Variants in ICA1L observed in about 807,000 individuals in gnomAD.
ICA1L encodes islet cell autoantigen 1-like protein.
In ICA1L, 50 loss-of-function variants were observed where a neutral mutation model predicts 61.3. The observed-to-expected ratio is 0.82, with a 90% CI of 0.65 to 1.03. The LOEUF is 1.03. Among genes scored for constraint, ICA1L ranks in the 50% least tolerant of loss-of-function variants. ICA1L has a pLI of 0.00. For missense variants in ICA1L, 508 were observed against 556.7 expected, an observed-to-expected ratio of 0.91 and a Z score of 0.88; for synonymous variants, 161 against 191.3, an observed-to-expected ratio of 0.84 and a Z score of 1.31.
At chr2:202,847,410 A>C (rs1324221862) in intron 1 of ICA1L, among the ~76,000 whole-genome samples, 1 of 152,182 alleles carries the variant, frequency 6.6e-6, no homozygotes, top group East Asian at 1.9e-4. Context: ...TTAAAACTGT[A>C]GTAATAAAAA....
chr2:202,776,244 T>C lies in ICA1L; in HGVS notation c.*3289A>G, dbSNP rs1267107357. 1 of 151,842 alleles carries C rather than the reference T, an allele frequency of 6.6e-6. No homozygotes were observed. Among genetic ancestry groups the C allele is most frequent in the Non-Finnish European group, 1.5e-5 (1 of 68,038 alleles). The allele number at this position is 151,842 out of a possible 1,614,324, so 9.4% of individuals were successfully genotyped here. A position where few individuals can be genotyped will look rare whatever the true frequency, so the allele number is the denominator to read the frequency against. On this transcript the variant is annotated 3_prime_UTR_variant, in exon 13 of 13. Coordinates refer to ENST00000358299, the MANE Select transcript of ICA1L (RefSeq NM_001288622.3). ...ACAAAATTACACCAATCTGATCTTA[T>C]TATGCCCTGGTATTCCTGCGTCTCC...
chr2:202,781,076 G>A (rs551127213), intron 12 of ICA1L, among the ~76,000 whole-genome samples: 14 of 152,092 alleles, frequency 9.2e-5, no homozygotes, highest in Non-Finnish European at 1.5e-4. Flanking sequence ...AATGTAAGAC[G>A]GTTTTATATT....
chr2:202,811,553 T>C (rs1693378844), intron 9 of ICA1L, among the ~76,000 whole-genome samples, 193 bp downstream of exon 9: 1 of 149,608 alleles, frequency 6.7e-6, no homozygotes, highest in Admixed American at 6.8e-5. Context: ...TCCCAGCTAC[T>C]CAGGAGGCTG....
intron 6 of ICA1L, among the ~76,000 whole-genome samples, chr2:202,817,209 C>T (rs1693562027): frequency 6.6e-6 from 1 of 152,204 alleles, no homozygotes; most frequent in Non-Finnish European, 1.5e-5. Flanking sequence ...TCTCTCTCTC[C>T]TTTGACACCA....
chr2:202,780,869 C>T (rs1692380594), intron 12 of ICA1L, among the ~76,000 whole-genome samples: 1 of 152,134 alleles, frequency 6.6e-6, no homozygotes, highest in Admixed American at 6.5e-5. Flanking sequence ...AGTCATTTAA[C>T]CTCAGGGTCT....
Position 202,825,725 on chromosome 2 carries a change from T to A in ICA1L, c.205A>T (p.Ile69Leu). 6.3e-7 allele frequency: 1 copy of A among 1,577,672 alleles called. No homozygotes were observed. The highest frequency in any genetic ancestry group is 8.7e-7 in the Non-Finnish European group (1 of 1,149,926). The change falls in exon 3 of 13, where the codon ATA becomes TTA. Residue 69 changes from isoleucine (I) to leucine (L), a missense_variant. Physicochemically the swap from Ile to Leu is conservative, Grantham distance 5 (BLOSUM62 2). Transcript: ENST00000358299. Reference protein sequence around the residue: ...VQETCTELLKIIEKYQLRLNV... With the variant: ...VQETCTELLKLIEKYQLRLNV... ...AGTCTTAGCTGGTATTTCTCGATTA[T>A]CTTCAGAAGTTCAGTGCATGTCTCT...
At chr2:202,823,395 T>C (rs1321149513) in intron 3 of ICA1L, among the ~76,000 whole-genome samples, 1 of 152,168 alleles carries the variant, frequency 6.6e-6, no homozygotes, top group African/African-American at 2.4e-5. Flanking sequence ...TCTATATGTG[T>C]TTCCCTTCCT....
chr2:202,870,098 A>G (rs915083393), intron 1 of ICA1L, among the ~76,000 whole-genome samples: 4 of 152,178 alleles, frequency 2.6e-5, no homozygotes, highest in African/African-American at 9.6e-5. Context: ...CTAAAGTATA[A>G]AAGTACAGAA....
At chr2:202,840,231 G>A in intron 1 of ICA1L, 1 of 425,880 alleles carries the variant, frequency 2.3e-6, no homozygotes, top group Non-Finnish European at 4.6e-6. Flanking sequence ...TGAGCCTCAG[G>A]TGGGTCTCCT....
At position 202,779,452 on chromosome 2, in the gene ICA1L, TAC is replaced by T; in HGVS notation, c.*79_*80del. The T allele has an allele frequency of 9.7e-6, 8 of 821,626 alleles. No individual in the cohort carries two copies. Among genetic ancestry groups the T allele is most frequent in the Non-Finnish European group, 1.6e-5 (8 of 508,660 alleles). 50.9% of individuals were successfully genotyped at this position (821,626 alleles called of 1,614,324 possible). ...AAACACCGTGCTTTTGTGTGCGGGT[TAC>T]AATCTAAATCCTTTCCACGAAGGAA... On this transcript the variant is annotated 3_prime_UTR_variant, in exon 13 of 13. Transcript: ENST00000358299.
chr2:202,869,332 G>A (rs1179435374), intron 1 of ICA1L, among the ~76,000 whole-genome samples: 1 of 152,100 alleles, frequency 6.6e-6, no homozygotes, highest in African/African-American at 2.4e-5. Context: ...CACTCAGCCT[G>A]GGCGACAGAG....
intron 8 of ICA1L, among the ~76,000 whole-genome samples, chr2:202,813,620 T>G (rs1397217617): frequency 6.6e-6 from 1 of 152,198 alleles, no homozygotes; most frequent in Non-Finnish European, 1.5e-5. Flanking sequence ...CAAGGCGCGT[T>G]GGGCTTTATA....
chr2:202,829,385 CA>C (rs1006017335), intron 1 of ICA1L, among the ~76,000 whole-genome samples: 2 of 151,546 alleles, frequency 1.3e-5, no homozygotes, highest in Non-Finnish European at 2.9e-5. Flanking sequence ...ACAAAAAAAC[CA>C]AAAAAAACTC....
chr2:202,859,245 G>T (rs1370606195), intron 1 of ICA1L, among the ~76,000 whole-genome samples: 1 of 152,140 alleles, frequency 6.6e-6, no homozygotes, highest in Non-Finnish European at 1.5e-5. Context: ...TTCAACATTA[G>T]ATTATAATTG....
chr2:202,781,494 A>C (rs1365735119), intron 12 of ICA1L, among the ~76,000 whole-genome samples: 1 of 151,586 alleles, frequency 6.6e-6, no homozygotes, highest in Non-Finnish European at 1.5e-5. Context: ...GAATTGCTTG[A>C]ATCCGGGAGG....
intron 1 of ICA1L, chr2:202,860,073 G>A (rs1401243596): frequency 6.6e-6 from 1 of 151,876 alleles, no homozygotes; most frequent in Admixed American, 6.6e-5. Flanking sequence ...GTCAAGGCCA[G>A]TCTGGGCAAC....
chr2:202,810,556 C>T (rs1020458840), intron 9 of ICA1L, among the ~76,000 whole-genome samples: 18 of 152,106 alleles, frequency 1.2e-4, no homozygotes, highest in African/African-American at 4.3e-4. Context: ...GCATTAACTG[C>T]ACAAATTGTA....
At chr2:202,858,726 A>G (rs541808488) in intron 1 of ICA1L, among the ~76,000 whole-genome samples, 3 of 152,346 alleles carry the variant, frequency 2.0e-5, no homozygotes, top group African/African-American at 7.2e-5. Context: ...TTTGCCACTG[A>G]GCAAACCTTT....
chr2:202,774,002 G>T lies in ICA1L; in HGVS notation c.*5531C>A. Reference sequence around the variant, plus strand: ...TATATGGTACTAAGAAGAGTTGGCTGTTTTATTTTTTTAAATTATGAACTA... The same window carrying T: ...TATATGGTACTAAGAAGAGTTGGCTTTTTTATTTTTTTAAATTATGAACTA... On this transcript the variant is annotated 3_prime_UTR_variant, in exon 13 of 13. Coordinates refer to ENST00000358299, the MANE Select transcript of ICA1L (RefSeq NM_001288622.3). 2.2e-6 allele frequency: 2 copies of T among 907,130 alleles called. No individual in the cohort carries two copies. The highest frequency in any genetic ancestry group is 3.4e-6 in the Non-Finnish European group (2 of 592,836). The allele number at this position is 907,130 out of a possible 1,614,324, so 56.2% of individuals were successfully genotyped here. A position where few individuals can be genotyped will look rare whatever the true frequency, so the allele number is the denominator to read the frequency against.
Sources: allele counts gnomAD v4.1 joint callset (sites outside exome capture counted in the v4.1 genomes callset), GRCh38; gene constraint gnomAD v4.1.1; transcripts MANE v1.5; gene names NCBI Gene and HGNC (gene_info 2026-07-23, HGNC 2026-07-21).